ARHGEF3: variants seen among roughly 807,000 people sequenced by gnomAD.
The protein encoded by ARHGEF3 is 59.8 kDA protein.
In ARHGEF3, 28 loss-of-function variants were observed where a neutral mutation model predicts 63.2. The observed-to-expected ratio is 0.44, with a 90% confidence interval of 0.33 to 0.61. ARHGEF3 has a LOEUF of 0.61. Among genes scored for constraint, ARHGEF3 ranks in the 20% least tolerant of loss-of-function variants. ARHGEF3 has a pLI of 0.03. For missense variants in ARHGEF3, 533 were observed against 659.3 expected, an observed-to-expected ratio of 0.81 and a Z score of 2.10; for synonymous variants, 266 against 254.2, an observed-to-expected ratio of 1.05 and a Z score of -0.44.
intron 2 of ARHGEF3, among the ~76,000 whole-genome samples, chr3:56,972,420 G>A (rs1035603803): frequency 2.6e-5 from 4 of 152,146 alleles, no homozygotes; most frequent in African/African-American, 9.7e-5. Context: ...TGTCTACCAT[G>A]TGCTAGGCAT....
chr3:56,765,199 G>T (rs2035638035), intron 2 of ARHGEF3, among the ~76,000 whole-genome samples: 1 of 152,154 alleles, frequency 6.6e-6, no homozygotes, highest in African/African-American at 2.4e-5. Context: ...CTCCAAGCTT[G>T]TCCAACTTGC....
intron 6 of ARHGEF3, among the ~76,000 whole-genome samples, chr3:56,747,518 A>T (rs1244117516): frequency 6.6e-6 from 1 of 152,194 alleles, no homozygotes; most frequent in Non-Finnish European, 1.5e-5. Flanking sequence ...ACACTCCCTT[A>T]TTCAGAATGA....
chr3:57,058,847 A>G lies in ARHGEF3; in HGVS notation c.-28+20379T>C, dbSNP rs570327751. ...ATGAGTTCATGTCCTTTGTAGGGAC[A>G]TGGATGAAGCTGGAAACTATCATTC... On this transcript the variant is annotated intron_variant, in intron 1 of 12. Coordinates refer to the ARHGEF3 transcript ENST00000338458. Among the ~76,000 whole-genome samples the G allele has an allele frequency of 3.3e-5, 5 of 152,158 alleles. No individual in the cohort carries two copies. In the South Asian group the frequency reaches 1.0e-3, roughly 32 times the overall value.
At chr3:57,001,984 C>T (rs185470946) in intron 2 of ARHGEF3, among the ~76,000 whole-genome samples, 1,544 of 125,434 alleles carry the variant, frequency 0.012, 35 homozygotes, top group African/African-American at 0.043. Flanking sequence ...AGTGCAGTGG[C>T]GTGATCTCGG....
intron 9 of ARHGEF3, 21 bp from the exon 10 acceptor site, chr3:56,729,643 A>G (rs1470165850): frequency 2.6e-6 from 4 of 1,566,864 alleles, no homozygotes; most frequent in Non-Finnish European, 3.5e-6. Context: ...AAAACACATG[A>G]AAAACAAAGT....
At chr3:57,015,967 C>T (rs1330187834) in intron 2 of ARHGEF3, among the ~76,000 whole-genome samples, 1 of 152,106 alleles carries the variant, frequency 6.6e-6, no homozygotes, top group Non-Finnish European at 1.5e-5. Context: ...ATCTTGCAGA[C>T]AGAGACCACA....
intron 2 of ARHGEF3, among the ~76,000 whole-genome samples, chr3:56,970,443 G>T (rs1329388669): frequency 6.6e-6 from 1 of 152,136 alleles, no homozygotes; most frequent in East Asian, 1.9e-4. Flanking sequence ...CGGCTTAGTG[G>T]TGGAGTTTTA....
intron 4 of ARHGEF3, among the ~76,000 whole-genome samples, chr3:56,869,085 T>C (rs1008440591): frequency 6.6e-6 from 1 of 152,178 alleles, no homozygotes; most frequent in African/African-American, 2.4e-5. Context: ...AAAGAAGCTC[T>C]TTAGATTTAT....
intron 3 of ARHGEF3, among the ~76,000 whole-genome samples, chr3:56,936,966 G>A (rs547450663): frequency 7.9e-5 from 12 of 152,130 alleles, no homozygotes; most frequent in South Asian, 2.1e-4. Context: ...CAATCCACCC[G>A]CCTTGACCTC....
intron 1 of ARHGEF3, among the ~76,000 whole-genome samples, chr3:57,065,764 C>T (rs1486085086): frequency 6.6e-6 from 1 of 152,168 alleles, no homozygotes; most frequent in Non-Finnish European, 1.5e-5. Context: ...GCCTGCGGAA[C>T]AGGAGAGGCA....
intron 2 of ARHGEF3, among the ~76,000 whole-genome samples, chr3:56,772,108 A>C (rs575843193): frequency 6.6e-6 from 1 of 152,146 alleles, no homozygotes; most frequent in Non-Finnish European, 1.5e-5. Context: ...CCATTCTCCC[A>C]CAAAAGGGAT....
chr3:56,787,290 T>G (rs56134339), intron 1 of ARHGEF3, among the ~76,000 whole-genome samples: 1 of 152,028 alleles, frequency 6.6e-6, no homozygotes, highest in African/African-American at 2.4e-5. Flanking sequence ...AAAGCAGGAC[T>G]GTGCAGAGGG....
chr3:56,923,627 TC>T (rs1262422382), intron 3 of ARHGEF3, among the ~76,000 whole-genome samples: 6 of 152,170 alleles, frequency 3.9e-5, no homozygotes, highest in Non-Finnish European at 7.3e-5. Context: ...TTCCCTGAAA[TC>T]CCTGTATCCA....
At chr3:57,074,234 A>G in intron 1 of ARHGEF3, 1 of 1,613,982 alleles carries the variant, frequency 6.2e-7, no homozygotes, top group Non-Finnish European at 8.5e-7. Flanking sequence ...TCTCTACAGT[A>G]TACTCCAACA....
At chr3:57,055,816 G>A (rs1287063747) in intron 1 of ARHGEF3, among the ~76,000 whole-genome samples, 1 of 152,144 alleles carries the variant, frequency 6.6e-6, no homozygotes, top group Non-Finnish European at 1.5e-5. Flanking sequence ...CATCCCTACT[G>A]TTTGAGAGAA....
intron 1 of ARHGEF3, among the ~76,000 whole-genome samples, chr3:57,045,959 C>T: frequency 6.6e-6 from 1 of 152,192 alleles, no homozygotes; most frequent in South Asian, 2.1e-4. Context: ...GTCTCGTTAT[C>T]ATTCATTACT....
chr3:56,993,429 C>G (rs1449965687), intron 2 of ARHGEF3, among the ~76,000 whole-genome samples: 1 of 152,006 alleles, frequency 6.6e-6, no homozygotes, highest in African/African-American at 2.4e-5. Flanking sequence ...GGCTGGAGTA[C>G]AGTAGTGCGA....
intron 1 of ARHGEF3, among the ~76,000 whole-genome samples, chr3:57,064,259 C>T (rs139370432): frequency 7.5e-4 from 114 of 151,936 alleles, no homozygotes; most frequent in African/African-American, 2.7e-3. Context: ...AGTGAGGCCC[C>T]GTCTCAAAAA....
intron 3 of ARHGEF3, among the ~76,000 whole-genome samples, chr3:56,926,934 C>A (rs1381134240): frequency 2.0e-5 from 3 of 152,180 alleles, no homozygotes; most frequent in Non-Finnish European, 4.4e-5. Flanking sequence ...GTAACAGGCC[C>A]CAGGGAATGC....
Sources: allele counts gnomAD v4.1 joint callset (sites outside exome capture counted in the v4.1 genomes callset), GRCh38; gene constraint gnomAD v4.1.1; transcripts MANE v1.5; gene names NCBI Gene and HGNC (gene_info 2026-07-23, HGNC 2026-07-21).